The following C2CD3 variants were observed in gnomAD, a reference collection of about 807,000 sequenced individuals.
The protein encoded by C2CD3 is C2 domain-containing protein 3.
Under a neutral mutation model 234.0 loss-of-function variants are expected in C2CD3, and 148 were observed. That is an observed-to-expected ratio of 0.63 (90% CI 0.55 to 0.72). The LOEUF (loss-of-function observed/expected upper bound fraction) is 0.72. Among genes scored for constraint, C2CD3 ranks in the 30% least tolerant of loss-of-function variants. The pLI, the probability that C2CD3 is intolerant of heterozygous loss-of-function variation, is 0.00. For synonymous variants in C2CD3, 1,000 were observed against 1,035.4 expected (o/e 0.97, Z 0.66); for missense variants, 2,577 against 2,811.5 (o/e 0.92, Z 1.89).
intron 20 of C2CD3, among the ~76,000 whole-genome samples, chr11:74,086,228 T>C (rs1263799994): frequency 6.6e-6 from 1 of 152,168 alleles, no homozygotes; most frequent in African/African-American, 2.4e-5. Flanking sequence ...ATATACACCA[T>C]GGGGAACCAT....
At position 74,139,730 on chromosome 11, in the gene C2CD3, T is replaced by A. The variant is rs1425916612; in HGVS notation, c.582A>T (p.Gly194=). 6.2e-7 allele frequency: 1 copy of A among 1,612,156 alleles called. No individual in the cohort carries two copies. The highest frequency in any genetic ancestry group is 8.5e-7 in the Non-Finnish European group (1 of 1,178,316). ...MTENVLLSKQ[G]FRENTEPSST... is the part of the protein sequence containing the mutation. ...TGCTGGGTTCAGTATTCTCTCTGAATCCCTGCTTAGATAAAAGCACATTTT... is the reference window on the plus strand; with the variant it reads ...TGCTGGGTTCAGTATTCTCTCTGAAACCCTGCTTAGATAAAAGCACATTTT... The change falls in exon 4 of 33, where the codon GGA becomes GGT. Residue 194 remains glycine (G), a synonymous_variant. Coordinates refer to ENST00000334126, the MANE Select transcript of C2CD3 (RefSeq NM_001286577.2).
intron 3 of C2CD3, among the ~76,000 whole-genome samples, chr11:74,143,897 T>A (rs1182848410): frequency 1.3e-5 from 2 of 152,154 alleles, no homozygotes; most frequent in African/African-American, 4.8e-5. Flanking sequence ...AAAATTAAAT[T>A]TAAAAATAAT....
rs1183597180 is a variant in C2CD3, at chr11:74,012,883, C to CA, written c.*501dup. ...CTCCTAATTGATTAATTCAACACAG[C>CA]ATAAAAATAATTTGTATCTATAAAA... On this transcript the variant is annotated 3_prime_UTR_variant, in exon 33 of 33. Coordinates refer to ENST00000334126, the MANE Select transcript of C2CD3 (RefSeq NM_001286577.2). 3 of 152,242 alleles carry CA rather than the reference C, an allele frequency of 2.0e-5. No homozygotes were observed. Among genetic ancestry groups the CA allele is most frequent in the African/African-American group, 7.2e-5 (3 of 41,444 alleles). 9.4% of individuals were successfully genotyped at this position (152,242 alleles called of 1,614,324 possible).
chr11:74,054,584 T>A, intron 26 of C2CD3, 23 bp downstream of exon 26: 1 of 1,394,816 alleles, frequency 7.2e-7, no homozygotes, highest in Non-Finnish European at 1.0e-6. Flanking sequence ...AGCAAGCAGA[T>A]ATTCTTTTAA....
chr11:74,139,872 A>G (rs771644928), intron 3 of C2CD3, 44 bp from the exon 4 acceptor site: 9 of 1,169,562 alleles, frequency 7.7e-6, no homozygotes, highest in Non-Finnish European at 1.0e-5. Flanking sequence ...TTTAGCATTG[A>G]TTAACTAATT....
chr11:74,158,099 G>A (rs1856159698), intron 3 of C2CD3, among the ~76,000 whole-genome samples: 1 of 152,168 alleles, frequency 6.6e-6, no homozygotes, highest in African/African-American at 2.4e-5. Context: ...AAACATAGGG[G>A]AAATGCTTCA....
At position 74,033,449 on chromosome 11, in the gene C2CD3, T is replaced by C; in HGVS notation, c.6711A>G (p.Arg2237=). 6.5e-7 allele frequency: 1 copy of C among 1,536,192 alleles called. No individual in the cohort carries two copies. The highest frequency in any genetic ancestry group is 2.4e-5 in the East Asian group (1 of 40,922). The stretch of plus-strand genomic sequence containing the variant: ...TGGGTGGTCCCTTATGGTTTTCCCT[T>C]CTGCTCTGGGAGGCTAGATTTAGCG... ...KLPLNLASQS[R]RENHKGPPID... is the part of the protein sequence containing the mutation. Residue 2237 remains arginine (R), a synonymous_variant, in exon 31 of 33, where the codon AGA becomes AGG. Coordinates refer to ENST00000334126, the MANE Select transcript of C2CD3 (RefSeq NM_001286577.2).
chr11:74,096,482 A>T (rs17132701), intron 16 of C2CD3, among the ~76,000 whole-genome samples: 34,232 of 151,878 alleles, frequency 0.23, 4,136 homozygotes, highest in East Asian at 0.3. Context: ...GGCAAAAAAA[A>T]TTGAAAAAAA....
chr11:74,167,387 T>C (rs1856879100), intron 2 of C2CD3, among the ~76,000 whole-genome samples: 1 of 152,232 alleles, frequency 6.6e-6, no homozygotes. Context: ...AACTAAACTT[T>C]TTTGTGAAGT....
At chr11:74,016,807 G>A (rs963768805) in intron 32 of C2CD3, 6 of 152,198 alleles carry the variant, frequency 3.9e-5, no homozygotes, top group Non-Finnish European at 5.9e-5. Context: ...TAGACCTGAG[G>A]GCACAAGAAA....
intron 7 of C2CD3, among the ~76,000 whole-genome samples, chr11:74,123,353 T>C (rs746279086): frequency 2.0e-5 from 3 of 152,226 alleles, no homozygotes; most frequent in Non-Finnish European, 4.4e-5. Flanking sequence ...CTACTGACAC[T>C]GATTGTGATC....
At chr11:74,040,539 G>A (rs536341957) in intron 29 of C2CD3, among the ~76,000 whole-genome samples, 81 of 151,974 alleles carry the variant, frequency 5.3e-4, no homozygotes, top group African/African-American at 1.8e-3. Flanking sequence ...TTGGGGTCAC[G>A]AGGTCAGGAG....
At chr11:74,150,507 AAAAAAAAAC>A (rs1855540225) in intron 3 of C2CD3, among the ~76,000 whole-genome samples, 1 of 77,000 alleles carries the variant, frequency 1.3e-5, no homozygotes, top group African/African-American at 4.9e-5. Flanking sequence ...AAAAAAAAAA[AAAAAAAAAC>A]AAAAAAAAAA....
chr11:74,043,826 G>A (rs1007661192), intron 28 of C2CD3, among the ~76,000 whole-genome samples: 2 of 151,864 alleles, frequency 1.3e-5, no homozygotes, highest in East Asian at 3.9e-4. Flanking sequence ...AGTTGTAAGA[G>A]TTCTTTATAT....
intron 24 of C2CD3, among the ~76,000 whole-genome samples, chr11:74,059,536 A>G (rs1017849115): frequency 6.6e-6 from 1 of 151,454 alleles, no homozygotes; most frequent in Non-Finnish European, 1.5e-5. Context: ...TTCAGTAAGT[A>G]CTCCTCCAGG....
intron 2 of C2CD3, among the ~76,000 whole-genome samples, chr11:74,161,813 C>CT (rs927069098): frequency 0.024 from 3,104 of 131,866 alleles, 63 homozygotes; most frequent in African/African-American, 0.027. Flanking sequence ...TGAAGTTCTA[C>CT]TTTTTTTTTT....
chr11:74,133,763 T>C, intron 5 of C2CD3: 1 of 563,364 alleles, frequency 1.8e-6, no homozygotes, highest in East Asian at 2.9e-5. Flanking sequence ...CTGTTTTAGA[T>C]GCTGGCATTG....
Position 74,037,709 on chromosome 11 carries a change from A to T in C2CD3, c.5661-11T>A. ...TCACTCAGATTCTTCCTATAAACAA[A>T]AGGGGGAGAAGAAGACAAAGGGGTA... is the stretch of plus-strand genomic sequence containing the variant. On this transcript the variant is annotated splice_polypyrimidine_tract_variant and intron_variant, in intron 29 of 32. Coordinates refer to ENST00000334126, the MANE Select transcript of C2CD3 (RefSeq NM_001286577.2). The T allele has an allele frequency of 6.3e-7, 1 of 1,596,280 alleles. No homozygotes were observed. The highest frequency in any genetic ancestry group is 8.6e-7 in the Non-Finnish European group (1 of 1,165,954).
intron 7 of C2CD3, chr11:74,129,698 C>T (rs1197776195): frequency 1.2e-5 from 2 of 172,290 alleles, no homozygotes; most frequent in Non-Finnish European, 2.4e-5. Flanking sequence ...GCTGCAATCT[C>T]GGCACTTTGG....
Sources: allele counts gnomAD v4.1 joint callset (sites outside exome capture counted in the v4.1 genomes callset), GRCh38; gene constraint gnomAD v4.1.1; transcripts MANE v1.5; gene names NCBI Gene and HGNC (gene_info 2026-07-23, HGNC 2026-07-21).